STPG2: variants seen among roughly 807,000 people sequenced by gnomAD.
The protein encoded by STPG2 is sperm tail PG-rich repeat containing 2, also known as sperm-tail PG-rich repeat-containing protein 2.
Under a neutral mutation model 54.2 loss-of-function variants are expected in STPG2, and 56 were observed. That is an observed-to-expected ratio of 1.03 (90% CI 0.83 to 1.29). The LOEUF (loss-of-function observed/expected upper bound fraction) is 1.29. Among genes scored for constraint, STPG2 ranks in the 50% most tolerant of loss-of-function variants. The pLI, the probability that STPG2 is intolerant of heterozygous loss-of-function variation, is 0.00. For synonymous variants in STPG2, 200 were observed against 181.8 expected (o/e 1.10, Z -0.81); for missense variants, 596 against 544.9 (o/e 1.09, Z -0.93).
intron 4 of STPG2, among the ~76,000 whole-genome samples, chr4:97,523,349 C>G (rs1731220444): frequency 6.6e-6 from 1 of 151,754 alleles, no homozygotes; most frequent in African/African-American, 2.4e-5. Context: ...TCTGCACATC[C>G]TAGGGTAGTT....
intron 4 of STPG2, among the ~76,000 whole-genome samples, chr4:97,510,561 A>G (rs1009037736): frequency 3.3e-5 from 5 of 152,058 alleles, no homozygotes; most frequent in African/African-American, 1.2e-4. Context: ...GCAGCCCCCT[A>G]TCTTTTTGGC....
At chr4:97,768,448 G>A (rs1726124238) in intron 9 of STPG2, among the ~76,000 whole-genome samples, 1 of 152,158 alleles carries the variant, frequency 6.6e-6, no homozygotes, top group Non-Finnish European at 1.5e-5. Flanking sequence ...GTGGGCAAAG[G>A]GAACAGGAAT....
chr4:97,449,849 G>C (rs1328038231), intron 4 of STPG2, among the ~76,000 whole-genome samples: 1 of 152,108 alleles, frequency 6.6e-6, no homozygotes, highest in African/African-American at 2.4e-5. Context: ...CACAGCCAGG[G>C]CAATCCACAT....
At chr4:97,974,209 GGCCTGTA>G (rs1734430449) in intron 6 of STPG2, among the ~76,000 whole-genome samples, 1 of 152,134 alleles carries the variant, frequency 6.6e-6, no homozygotes, top group South Asian at 2.1e-4. Flanking sequence ...ACTTGCATAG[GGCCTGTA>G]GCCCCTTTGT....
At chr4:97,820,590 C>G (rs1728054711) in intron 9 of STPG2, among the ~76,000 whole-genome samples, 1 of 152,152 alleles carries the variant, frequency 6.6e-6, no homozygotes, top group South Asian at 2.1e-4. Context: ...AGCCATTCTT[C>G]CATTGCTATA....
chr4:97,991,911 G>A (rs1018094115), intron 5 of STPG2, among the ~76,000 whole-genome samples: 5 of 151,808 alleles, frequency 3.3e-5, no homozygotes, highest in Admixed American at 6.6e-5. Context: ...CTTCTTTTGA[G>A]AATTGTCTAT....
At chr4:97,787,292 T>C (rs1726856764) in intron 9 of STPG2, among the ~76,000 whole-genome samples, 1 of 152,138 alleles carries the variant, frequency 6.6e-6, no homozygotes, top group South Asian at 2.1e-4. Flanking sequence ...ATTTATCATA[T>C]TGAGGAAGAC....
intron 5 of STPG2, among the ~76,000 whole-genome samples, chr4:98,091,591 G>C (rs1738687095): frequency 6.6e-6 from 1 of 151,976 alleles, no homozygotes; most frequent in African/African-American, 2.4e-5. Flanking sequence ...TAATTGTTTA[G>C]ATATTTGTAT....
chr4:97,602,004 T>A (rs1733475085), intron 10 of STPG2, among the ~76,000 whole-genome samples: 1 of 151,542 alleles, frequency 6.6e-6, no homozygotes, highest in South Asian at 2.1e-4. Context: ...ATTTTGTTGC[T>A]ATTTACATAG....
At position 98,029,114 on chromosome 4, in the gene STPG2, G is replaced by A. The variant is rs114624938; in HGVS notation, c.613-47796C>T. 6.5e-3 allele frequency among the ~76,000 whole-genome samples: 994 copies of A among 152,012 alleles called. 15 individuals are homozygous for A. Among genetic ancestry groups the A allele is most frequent in the African/African-American group, 0.023 (942 of 41,464 alleles). On this transcript the variant is annotated intron_variant, in intron 5 of 10. Coordinates refer to ENST00000295268, the MANE Select transcript of STPG2 (RefSeq NM_174952.3). ...TTTATTAATAAAAATGTTCTATCTTGGTAAATGTTCTATGTGCATGTAGAA... is the reference window on the plus strand; with the variant it reads ...TTTATTAATAAAAATGTTCTATCTTAGTAAATGTTCTATGTGCATGTAGAA...
chr4:97,464,604 A>G (rs1729745601), intron 4 of STPG2, among the ~76,000 whole-genome samples: 1 of 152,154 alleles, frequency 6.6e-6, no homozygotes. Context: ...TTTAGTAGAC[A>G]CAAGGTTTCC....
At chr4:97,668,430 T>A (rs939985798) in intron 10 of STPG2, among the ~76,000 whole-genome samples, 1 of 152,116 alleles carries the variant, frequency 6.6e-6, no homozygotes, top group African/African-American at 2.4e-5. Context: ...AATGATCAGA[T>A]CTATGGCTTA....
chr4:98,100,114 T>A (rs935416142), intron 5 of STPG2, among the ~76,000 whole-genome samples: 1 of 152,110 alleles, frequency 6.6e-6, no homozygotes, highest in East Asian at 1.9e-4. Context: ...TTTAAAACTA[T>A]ACTGCTTAGG....
chr4:97,857,496 G>A (rs2149136832), intron 8 of STPG2, among the ~76,000 whole-genome samples: 1 of 152,210 alleles, frequency 6.6e-6, no homozygotes, highest in Non-Finnish European at 1.5e-5. Flanking sequence ...TGTGGGGTCA[G>A]TGGTGATATC....
intron 10 of STPG2, among the ~76,000 whole-genome samples, chr4:97,565,420 T>G (rs996513319): frequency 2.0e-5 from 3 of 152,214 alleles, no homozygotes; most frequent in African/African-American, 7.2e-5. Flanking sequence ...ATCTGAAGCC[T>G]TCTTCTCTCA....
intron 6 of STPG2, among the ~76,000 whole-genome samples, chr4:97,976,187 A>G (rs189825588): frequency 6.6e-5 from 10 of 152,314 alleles, no homozygotes; most frequent in Admixed American, 3.3e-4. Context: ...CTCTCAGAAA[A>G]CCTAAGTGCT....
chr4:97,736,387 G>A (rs578255475), intron 9 of STPG2, among the ~76,000 whole-genome samples: 17 of 152,184 alleles, frequency 1.1e-4, no homozygotes, highest in African/African-American at 3.4e-4. Flanking sequence ...CACCGTGCGC[G>A]AGTCGAAGCA....
intron 9 of STPG2, among the ~76,000 whole-genome samples, chr4:97,815,871 C>A (rs1490439173): frequency 2.6e-5 from 4 of 152,046 alleles, no homozygotes; most frequent in Non-Finnish European, 5.9e-5. Context: ...ACAGGATTCC[C>A]AAATACCTGT....
chr4:97,737,675 GAAAC>G (rs1045185069), intron 9 of STPG2, among the ~76,000 whole-genome samples: 3 of 152,238 alleles, frequency 2.0e-5, no homozygotes, highest in African/African-American at 7.2e-5. Context: ...AAAATAAAAA[GAAAC>G]AAACAAAGCA....
Sources: gnomAD v4.1 joint callset for allele counts (sites outside exome capture counted in the v4.1 genomes callset) on GRCh38, gnomAD v4.1.1 for gene constraint, MANE v1.5 for transcripts, NCBI Gene and HGNC (gene_info 2026-07-23, HGNC 2026-07-21) for gene names.